The following DLG2 variants were observed in gnomAD, a reference collection of about 807,000 sequenced individuals.
The protein encoded by DLG2 is disks large homolog 2.
A neutral mutation model predicts 132.5 loss-of-function variants in DLG2; 45 were observed. That is an observed-to-expected ratio of 0.34 (90% CI 0.27 to 0.44). The LOEUF (loss-of-function observed/expected upper bound fraction) is 0.44. Among genes scored for constraint, DLG2 ranks in the 20% least tolerant of loss-of-function variants. DLG2 has a pLI of 1.00. For synonymous variants in DLG2, 424 were observed against 419.6 expected (o/e 1.01, Z -0.13); for missense variants, 1,045 against 1,196.9 (o/e 0.87, Z 1.87).
At chr11:85,202,896 G>A (rs1007043026) in intron 4 of DLG2, among the ~76,000 whole-genome samples, 2 of 151,612 alleles carry the variant, frequency 1.3e-5, no homozygotes, top group Non-Finnish European at 2.9e-5. Flanking sequence ...TATAGTGAAA[G>A]CAGTACTCTA....
chr11:85,244,082 T>G (rs757971273), intron 4 of DLG2, among the ~76,000 whole-genome samples: 48 of 152,042 alleles, frequency 3.2e-4, no homozygotes, highest in Non-Finnish European at 6.2e-4. Context: ...CTCTCCACAT[T>G]TTCTCAAGTG....
chr11:84,397,653 C>T (rs531439614), intron 7 of DLG2, among the ~76,000 whole-genome samples: 30 of 152,234 alleles, frequency 2.0e-4, no homozygotes, highest in Non-Finnish European at 4.3e-4. Flanking sequence ...AGCCCTATCG[C>T]CAACTCAGTT....
At chr11:84,139,487 T>A (rs1021489994) in intron 9 of DLG2, among the ~76,000 whole-genome samples, 3 of 151,640 alleles carry the variant, frequency 2.0e-5, no homozygotes, top group African/African-American at 7.3e-5. Flanking sequence ...GAATAGCAAT[T>A]GGACTAGTAG....
intron 6 of DLG2, among the ~76,000 whole-genome samples, chr11:84,954,368 C>G (rs1451904274): frequency 6.7e-6 from 1 of 150,266 alleles, no homozygotes; most frequent in East Asian, 1.9e-4. Context: ...AAAAAAAAAC[C>G]CTCACGTCGA....
intron 3 of DLG2, among the ~76,000 whole-genome samples, chr11:85,473,655 C>CA: frequency 6.6e-6 from 1 of 151,296 alleles, no homozygotes. Flanking sequence ...TACAATGTAT[C>CA]AAAAAATAGA....
intron 7 of DLG2, among the ~76,000 whole-genome samples, chr11:84,292,040 T>C (rs1427206095): frequency 1.3e-5 from 2 of 152,160 alleles, no homozygotes; most frequent in Non-Finnish European, 2.9e-5. Context: ...TTTCACTAAA[T>C]TGACATCATG....
At chr11:84,234,406 C>T (rs1359789733) in intron 8 of DLG2, among the ~76,000 whole-genome samples, 3 of 152,174 alleles carry the variant, frequency 2.0e-5, no homozygotes, top group African/African-American at 7.2e-5. Context: ...ATTGAGGTTG[C>T]TGCAGAACCC....
chr11:84,866,390 T>G (rs960862169), intron 6 of DLG2, among the ~76,000 whole-genome samples: 1 of 152,216 alleles, frequency 6.6e-6, no homozygotes, highest in South Asian at 2.1e-4. Flanking sequence ...GCAAAAAGCT[T>G]GTAGTAAGAT....
chr11:84,169,316 C>T (rs1377021668), intron 8 of DLG2, among the ~76,000 whole-genome samples: 1 of 151,714 alleles, frequency 6.6e-6, no homozygotes, highest in African/African-American at 2.4e-5. Context: ...TGGCACAAAG[C>T]AGATCTTCAA....
chr11:85,338,800 G>A (rs1022349953), intron 3 of DLG2, among the ~76,000 whole-genome samples: 43 of 149,924 alleles, frequency 2.9e-4, no homozygotes, highest in African/African-American at 1.0e-3. Context: ...CGCCTCCCGG[G>A]TTCACTCCAT....
At chr11:83,485,400 A>G (rs537793994) in intron 21 of DLG2, among the ~76,000 whole-genome samples, 1 of 152,246 alleles carries the variant, frequency 6.6e-6, no homozygotes, top group East Asian at 1.9e-4. Flanking sequence ...TACTAATTTC[A>G]TATTCATATA....
intron 19 of DLG2, among the ~76,000 whole-genome samples, chr11:83,605,606 C>G (rs2059224545): frequency 6.6e-6 from 1 of 152,178 alleles, no homozygotes; most frequent in Admixed American, 6.5e-5. Context: ...TTTATACTCA[C>G]TTTAAATATG....
intron 4 of DLG2, among the ~76,000 whole-genome samples, chr11:85,248,421 T>C (rs2076240079): frequency 6.6e-6 from 1 of 152,092 alleles, no homozygotes; most frequent in African/African-American, 2.4e-5. Context: ...TTTTTTTAAT[T>C]AAAGATTTTT....
intron 6 of DLG2, among the ~76,000 whole-genome samples, chr11:84,875,752 T>C (rs2086246408): frequency 6.6e-6 from 1 of 152,150 alleles, no homozygotes; most frequent in Non-Finnish European, 1.5e-5. Context: ...TCCTTTTTTT[T>C]TGAGATGGAG....
Position 85,478,029 on chromosome 11 carries a change from G to A in DLG2, c.40+120628C>T, listed in dbSNP as rs542057542. On this transcript the variant is annotated intron_variant, in intron 3 of 27. Transcript: ENST00000376104. ...CAATAGCACTTTTTTTTTTTTAAGA[G>A]ACAGCTTTCGTTCTGTCACCTAGGC... Among the ~76,000 whole-genome samples, 3 of 151,016 alleles carry A rather than the reference G, an allele frequency of 2.0e-5. No homozygotes were observed. In the East Asian group the frequency reaches 5.8e-4, roughly 29 times the overall value.
At chr11:84,028,762 C>A (rs530824945) in intron 11 of DLG2, among the ~76,000 whole-genome samples, 1 of 152,176 alleles carries the variant, frequency 6.6e-6, no homozygotes, top group East Asian at 1.9e-4. Context: ...TCTTTCAAGC[C>A]TCAGTTCAAC....
intron 16 of DLG2, among the ~76,000 whole-genome samples, chr11:83,849,294 T>TA (rs1390096793): frequency 4.1e-5 from 6 of 147,440 alleles, no homozygotes; most frequent in African/African-American, 1.5e-4. Flanking sequence ...ATAAGGGAGA[T>TA]AAATAAATAT....
At position 85,405,901 on chromosome 11, in the gene DLG2, A is replaced by G. The variant is rs79342441; in HGVS notation, c.41-120536T>C. ...TCTCATTAAGGAAATAGATCAGAAG[A>G]TATGCTTTAAAGTTAGATTATCAAG... On this transcript the variant is annotated intron_variant, in intron 3 of 27. Transcript: ENST00000376104. Among the ~76,000 whole-genome samples, 503 of 152,144 alleles carry G rather than the reference A, an allele frequency of 3.3e-3. 1 individual carries two copies. Among genetic ancestry groups the G allele is most frequent in the African/African-American group, 0.012 (487 of 41,550 alleles).
chr11:83,557,750 T>C (rs1050723907), intron 19 of DLG2, among the ~76,000 whole-genome samples: 11 of 152,192 alleles, frequency 7.2e-5, no homozygotes, highest in African/African-American at 2.7e-4. Flanking sequence ...GTATTGAGTT[T>C]TGAAGAAATG....
Sources: allele counts gnomAD v4.1 joint callset (sites outside exome capture counted in the v4.1 genomes callset), GRCh38; gene constraint gnomAD v4.1.1; transcripts MANE v1.5; gene names NCBI Gene and HGNC (gene_info 2026-07-23, HGNC 2026-07-21).